The following CEP85L variants were observed in gnomAD, a reference collection of about 807,000 sequenced individuals.
CEP85L encodes the protein centrosomal protein 85L, also known as centrosomal protein of 85 kDa-like.
CEP85L carries 60 observed loss-of-function variants against 100.3 expected under a neutral mutation model. That is an observed-to-expected ratio of 0.60 (90% CI 0.49 to 0.74). CEP85L has a LOEUF of 0.74. CEP85L is among the 30% of genes least tolerant of loss of function. CEP85L has a pLI of 0.00. For synonymous variants in CEP85L, 319 were observed against 322.7 expected (o/e 0.99, Z 0.12); for missense variants, 973 against 936.2 (o/e 1.04, Z -0.51).
chr6:118,471,895 T>A (rs975144960), intron 10 of CEP85L, among the ~76,000 whole-genome samples: 2 of 151,904 alleles, frequency 1.3e-5, no homozygotes, highest in Admixed American at 6.6e-5. Flanking sequence ...TGGAGAGTTA[T>A]TTACCTAGCT....
chr6:118,519,322 C>T (rs919092220), intron 4 of CEP85L, among the ~76,000 whole-genome samples: 5 of 151,618 alleles, frequency 3.3e-5, no homozygotes, highest in African/African-American at 7.3e-5. Flanking sequence ...GGTGTGGTCG[C>T]GGGCTACTGG....
intron 6 of CEP85L, among the ~76,000 whole-genome samples, chr6:118,489,958 CACACACATACGTGTGTGTATATATAT>C (rs962995531): frequency 2.7e-5 from 4 of 150,520 alleles, no homozygotes; most frequent in Non-Finnish European, 4.4e-5. Flanking sequence ...CACATGCACA[CACACACATACGTGTGTGTATATATAT>C]ACACACACAC....
chr6:118,577,101 A>G (rs1249463751), intron 2 of CEP85L, among the ~76,000 whole-genome samples: 1 of 152,150 alleles, frequency 6.6e-6, no homozygotes, highest in Non-Finnish European at 1.5e-5. Flanking sequence ...TCGGCCCCTG[A>G]GGGCTATCCA....
intron 1 of CEP85L, among the ~76,000 whole-genome samples, chr6:118,644,553 T>C (rs1374880678): frequency 6.6e-6 from 1 of 152,074 alleles, no homozygotes; most frequent in Non-Finnish European, 1.5e-5. Flanking sequence ...AAAAGAACTC[T>C]TGATTCCATT....
chr6:118,491,527 A>G (rs1260180301), intron 6 of CEP85L, 159 bp downstream of exon 6: 13 of 1,377,348 alleles, frequency 9.4e-6, no homozygotes, highest in Middle Eastern at 5.0e-4. Flanking sequence ...GGATTTCTGC[A>G]GACAGCAGAG....
intron 5 of CEP85L, among the ~76,000 whole-genome samples, chr6:118,508,043 T>G (rs114452397): frequency 2.0e-5 from 3 of 152,202 alleles, no homozygotes; most frequent in Non-Finnish European, 4.4e-5. Flanking sequence ...AATGGATAAA[T>G]ATATTTTTTG....
At chr6:118,597,675 T>C (rs1022649688) in intron 2 of CEP85L, among the ~76,000 whole-genome samples, 1 of 152,128 alleles carries the variant, frequency 6.6e-6, no homozygotes, top group African/African-American at 2.4e-5. Context: ...TAAATAGCAA[T>C]AGAAAAGGTG....
At chr6:118,501,957 C>A in intron 5 of CEP85L, 1 of 890,804 alleles carries the variant, frequency 1.1e-6, no homozygotes, top group Non-Finnish European at 1.8e-6. Context: ...AGCTTGACTG[C>A]ATCATGAAGG....
At chr6:118,689,455 G>A (rs533308771) in intron 1 of CEP85L, among the ~76,000 whole-genome samples, 2 of 152,252 alleles carry the variant, frequency 1.3e-5, no homozygotes, top group South Asian at 4.1e-4. Context: ...AAAATCTCTA[G>A]TCTGTTAGGA....
chr6:118,518,161 T>A (rs1312212811), intron 4 of CEP85L, among the ~76,000 whole-genome samples: 1 of 152,208 alleles, frequency 6.6e-6, no homozygotes, highest in Non-Finnish European at 1.5e-5. Flanking sequence ...TTTGCATCGA[T>A]GTTCATCAGC....
At chr6:118,483,581 T>A (rs1773953405) in intron 7 of CEP85L, 125 bp downstream of exon 7, 1 of 783,986 alleles carries the variant, frequency 1.3e-6, no homozygotes, top group African/African-American at 1.7e-5. Flanking sequence ...CAAAGTTTCT[T>A]ATTAGAATTA....
chr6:118,657,553 G>C (rs938630785), intron 1 of CEP85L, among the ~76,000 whole-genome samples: 1 of 152,190 alleles, frequency 6.6e-6, no homozygotes, highest in Non-Finnish European at 1.5e-5. Context: ...CCAGGAGGCA[G>C]AGGTTGCAGC....
At chr6:118,607,009 A>G (rs1305820413) in intron 2 of CEP85L, among the ~76,000 whole-genome samples, 1 of 152,128 alleles carries the variant, frequency 6.6e-6, no homozygotes. Context: ...TTCCCTGAGC[A>G]GCCCTAGTGA....
chr6:118,672,022 G>A (rs929617580), intron 1 of CEP85L, among the ~76,000 whole-genome samples: 3 of 152,054 alleles, frequency 2.0e-5, no homozygotes, highest in South Asian at 2.1e-4. Flanking sequence ...ATAATTTGAC[G>A]TATTATTCTC....
chr6:118,608,481 C>A (rs1386016718), intron 2 of CEP85L, among the ~76,000 whole-genome samples: 1 of 150,038 alleles, frequency 6.7e-6, no homozygotes, highest in Admixed American at 6.6e-5. Context: ...GGCGACAGAG[C>A]AAGATTCCAT....
chr6:118,488,723 A>C (rs1241895850), intron 6 of CEP85L, among the ~76,000 whole-genome samples: 1 of 152,176 alleles, frequency 6.6e-6, no homozygotes, highest in Non-Finnish European at 1.5e-5. Context: ...ATGGAACCCA[A>C]ATAAGATGAC....
At chr6:118,510,693 GA>G (rs1355303783) in intron 5 of CEP85L, among the ~76,000 whole-genome samples, 1 of 152,036 alleles carries the variant, frequency 6.6e-6, no homozygotes, top group Non-Finnish European at 1.5e-5. Context: ...TCAATACCTA[GA>G]AATTTCACTT....
chr6:118,656,151 C>G (rs1583232664), upstream of CEP85L, among the ~76,000 whole-genome samples: 1 of 152,046 alleles, frequency 6.6e-6, no homozygotes. Flanking sequence ...TAGCTGTAGC[C>G]AGCAGTTTGA....
At chr6:118,588,580 G>A (rs911853273) in intron 2 of CEP85L, among the ~76,000 whole-genome samples, 2 of 152,080 alleles carry the variant, frequency 1.3e-5, no homozygotes, top group African/African-American at 4.8e-5. Context: ...GAAAATGAAG[G>A]CTTCAGCCCC....
Sources: gnomAD v4.1 joint callset for allele counts (sites outside exome capture counted in the v4.1 genomes callset) on GRCh38, gnomAD v4.1.1 for gene constraint, MANE v1.5 for transcripts, NCBI Gene and HGNC (gene_info 2026-07-23, HGNC 2026-07-21) for gene names.